The following TRPC5 variants were observed in gnomAD, a reference collection of about 807,000 sequenced individuals.
TRPC5 encodes transient receptor potential cation channel subfamily C member 5.
In TRPC5, 9 loss-of-function variants were observed where a neutral mutation model predicts 56.5. The observed-to-expected ratio is 0.16, with a 90% CI of 0.10 to 0.28. TRPC5 has a LOEUF of 0.28. Ranked by LOEUF, TRPC5 falls within the 10% of genes least tolerant of loss-of-function variation. TRPC5 has a pLI of 1.00. For synonymous variants in TRPC5, 282 were observed against 278.5 expected (o/e 1.01, Z -0.13); for missense variants, 469 against 748.9 (o/e 0.63, Z 4.36).
intron 1 of TRPC5, among the ~76,000 whole-genome samples, chrX:112,017,181 T>C (rs1392498832): frequency 2.7e-5 from 3 of 110,441 alleles, no homozygotes; most frequent in Non-Finnish European, 5.7e-5. Context: ...ACCCAGATAA[T>C]TTTTTGTATT....
intron 2 of TRPC5, among the ~76,000 whole-genome samples, chrX:111,951,578 C>A (rs1927086959): frequency 1.8e-5 from 2 of 111,424 alleles, no homozygotes; most frequent in African/African-American, 6.5e-5. Context: ...ATATATGAGG[C>A]CTTATTCCAT....
chrX:111,798,134 A>G (rs1433016293), intron 7 of TRPC5, among the ~76,000 whole-genome samples: 2 of 112,071 alleles, frequency 1.8e-5, no homozygotes, highest in Non-Finnish European at 3.8e-5. Context: ...ATACACAACT[A>G]TTATAAAAAG....
chrX:111,769,680 C>T lies in TRPC5; in HGVS notation c.*6633G>A, dbSNP rs1341713597. 2.7e-5 allele frequency among the ~76,000 whole-genome samples: 3 copies of T among 111,616 alleles called. No homozygotes were observed. The highest frequency in any genetic ancestry group is 9.8e-5 in the African/African-American group (3 of 30,706). The stretch of plus-strand genomic sequence containing the variant: ...AGATTCCCAAGAACAGTTCCAGGTC[C>T]CTTACAAATCCCACAAGAGACAATC... On this transcript the variant is annotated 3_prime_UTR_variant, in exon 11 of 11. Transcript: ENST00000262839.
chrX:111,888,167 G>A (rs981853490), intron 3 of TRPC5, among the ~76,000 whole-genome samples: 2 of 111,551 alleles, frequency 1.8e-5, no homozygotes, highest in Non-Finnish European at 3.8e-5. Context: ...AGTGTGCTTG[G>A]TGAATTTGAG....
chrX:112,070,758 C>T (rs1027613412), intron 1 of TRPC5, among the ~76,000 whole-genome samples: 1 of 108,314 alleles, frequency 9.2e-6, no homozygotes, highest in Admixed American at 9.9e-5. Flanking sequence ...TGCCCCCCCC[C>T]AAAGTTACTT....
intron 1 of TRPC5, among the ~76,000 whole-genome samples, chrX:111,977,143 CTAA>C (rs1298732963): frequency 9.0e-6 from 1 of 111,092 alleles, no homozygotes; most frequent in Non-Finnish European, 1.9e-5. Context: ...AAAAAAAATC[CTAA>C]TATTTGTATG....
At position 111,775,756 on chromosome X, in the gene TRPC5, C is replaced by T. The variant is rs1343875462; in HGVS notation, c.*557G>A. The T allele has an allele frequency of 8.9e-6, 1 of 112,383 alleles. No individual in the cohort carries two copies. Among genetic ancestry groups the T allele is most frequent in the African/African-American group, 3.2e-5 (1 of 30,774 alleles). 9.3% of individuals were successfully genotyped at this position (112,383 alleles called of 1,213,427 possible). On this transcript the variant is annotated 3_prime_UTR_variant, in exon 11 of 11. Coordinates refer to ENST00000262839, the MANE Select transcript of TRPC5 (RefSeq NM_012471.3). Reference sequence around the variant, plus strand: ...AAACAAGCCACTTATACCCAGAAACCACAAGCTGACAATTCTTTGAAATCT... The same window carrying T: ...AAACAAGCCACTTATACCCAGAAACTACAAGCTGACAATTCTTTGAAATCT...
At chrX:112,055,775 T>TTA (rs909942740) in intron 1 of TRPC5, among the ~76,000 whole-genome samples, 13 of 108,462 alleles carry the variant, frequency 1.2e-4, no homozygotes, top group African/African-American at 1.7e-4. Flanking sequence ...TTTATATAAT[T>TTA]TATATATATA....
At chrX:111,825,654 G>A (rs926968448) in intron 7 of TRPC5, among the ~76,000 whole-genome samples, 14 of 111,881 alleles carry the variant, frequency 1.3e-4, no homozygotes, top group Non-Finnish European at 1.9e-5. Flanking sequence ...AGACAACTTA[G>A]AGATTAGCAA....
At chrX:111,918,775 A>G (rs1021580693) in intron 2 of TRPC5, among the ~76,000 whole-genome samples, 1 of 111,490 alleles carries the variant, frequency 9.0e-6, no homozygotes, top group African/African-American at 3.3e-5. Context: ...GACAGAGAGT[A>G]GGGTGCTAGT....
intron 3 of TRPC5, among the ~76,000 whole-genome samples, chrX:111,894,038 T>C (rs764862058): frequency 9.0e-6 from 1 of 111,522 alleles, no homozygotes; most frequent in South Asian, 3.8e-4. Flanking sequence ...ATTGAATGCA[T>C]GTATCCAAAT....
At chrX:111,803,187 A>G (rs1028633116) in intron 7 of TRPC5, among the ~76,000 whole-genome samples, 1 of 112,199 alleles carries the variant, frequency 8.9e-6, no homozygotes, top group Non-Finnish European at 1.9e-5. Flanking sequence ...CCTGCAAAGG[A>G]CATGAACTCA....
At chrX:111,966,360 C>T (rs1276226023) in intron 1 of TRPC5, among the ~76,000 whole-genome samples, 1 of 111,383 alleles carries the variant, frequency 9.0e-6, no homozygotes, top group Non-Finnish European at 1.9e-5. Flanking sequence ...CAAAAAGAGT[C>T]CAGGACCAGA....
At chrX:112,036,260 C>T (rs2147723126) in intron 1 of TRPC5, among the ~76,000 whole-genome samples, 1 of 112,084 alleles carries the variant, frequency 8.9e-6, no homozygotes, top group African/African-American at 3.2e-5. Context: ...TTGCCTCAAC[C>T]ATAATCTTTC....
chrX:111,770,594 A>G lies in TRPC5; in HGVS notation c.*5719T>C, dbSNP rs1239596279. 8.9e-6 allele frequency among the ~76,000 whole-genome samples: 1 copy of G among 111,799 alleles called. No individual in the cohort carries two copies. The highest frequency in any genetic ancestry group is 2.8e-4 in the East Asian group (1 of 3,569). On this transcript the variant is annotated 3_prime_UTR_variant, in exon 11 of 11. Transcript: ENST00000262839. ...GGTTTAGCCCCGTGTTTTAAAGTGT[A>G]TATCCTCACTCATCCTTACTTCAAA...
chrX:112,005,485 T>A (rs995898842), intron 1 of TRPC5, among the ~76,000 whole-genome samples: 6 of 96,568 alleles, frequency 6.2e-5, no homozygotes, highest in African/African-American at 1.8e-4. Flanking sequence ...AAAAAAAATA[T>A]CTTACCAACT....
chrX:112,021,962 G>T (rs371279172), intron 1 of TRPC5, among the ~76,000 whole-genome samples: 20 of 112,313 alleles, frequency 1.8e-4, no homozygotes, highest in South Asian at 1.1e-3. Context: ...TTACAGAATT[G>T]TTGTGAGGAA....
At chrX:111,838,990 C>T (rs746497577) in intron 6 of TRPC5, among the ~76,000 whole-genome samples, 2 of 111,631 alleles carry the variant, frequency 1.8e-5, no homozygotes, top group Non-Finnish European at 3.8e-5. Context: ...GGGACATCAT[C>T]CTATATTTCC....
chrX:111,932,644 TC>T (rs1926448130), intron 2 of TRPC5, among the ~76,000 whole-genome samples: 1 of 111,165 alleles, frequency 9.0e-6, no homozygotes. Context: ...CTAACAACCT[TC>T]TGGGATGATG....
Sources: gnomAD v4.1 joint callset for allele counts (sites outside exome capture counted in the v4.1 genomes callset) on GRCh38, gnomAD v4.1.1 for gene constraint, MANE v1.5 for transcripts, NCBI Gene and HGNC (gene_info 2026-07-23, HGNC 2026-07-21) for gene names.